PPP4R1: variants seen among roughly 807,000 people sequenced by gnomAD.
The protein encoded by PPP4R1 is protein phosphatase 4 regulatory subunit 1, also known as serine/threonine-protein phosphatase 4 regulatory subunit 1.
In PPP4R1, 42 loss-of-function variants were observed where a neutral mutation model predicts 111.2. That is an observed-to-expected ratio of 0.38 (90% CI 0.29 to 0.49). The LOEUF is 0.49. Ranked by LOEUF, PPP4R1 falls within the 20% of genes least tolerant of loss-of-function variation. The pLI is 0.97. For synonymous variants in PPP4R1, 409 were observed against 405.5 expected (o/e 1.01, Z -0.10); for missense variants, 1,012 against 1,161.6 (o/e 0.87, Z 1.87).
intron 10 of PPP4R1, among the ~76,000 whole-genome samples, chr18:9,575,352 C>T (rs1384855947): frequency 6.6e-6 from 1 of 152,066 alleles, no homozygotes; most frequent in East Asian, 1.9e-4. Flanking sequence ...AAAACAAATG[C>T]CACTGTGCTA....
intron 10 of PPP4R1, 100 bp downstream of exon 10, chr18:9,576,964 C>CA (rs1231420343): frequency 3.4e-6 from 4 of 1,166,546 alleles, no homozygotes; most frequent in Admixed American, 2.6e-5. Flanking sequence ...AGCAAACTAT[C>CA]AAAAAATAAC....
chr18:9,598,574 G>T (rs1055122798), intron 2 of PPP4R1, among the ~76,000 whole-genome samples: 4 of 135,482 alleles, frequency 3.0e-5, no homozygotes, highest in Non-Finnish European at 4.7e-5. Context: ...TTTCAAATAT[G>T]AAGCTGAAAT....
At chr18:9,608,033 C>T (rs946450313) in intron 2 of PPP4R1, among the ~76,000 whole-genome samples, 5 of 144,188 alleles carry the variant, frequency 3.5e-5, no homozygotes, top group Middle Eastern at 3.6e-3. Flanking sequence ...ATCCACCCGC[C>T]TCGTTCTCCC....
chr18:9,610,975 T>TC, intron 2 of PPP4R1, among the ~76,000 whole-genome samples: 1 of 152,120 alleles, frequency 6.6e-6, no homozygotes, highest in South Asian at 2.1e-4. Flanking sequence ...ACCAACCTTT[T>TC]CCCCGACTCT....
chr18:9,602,068 T>C (rs150363178), intron 2 of PPP4R1, among the ~76,000 whole-genome samples: 2,122 of 152,296 alleles, frequency 0.014, 35 homozygotes, highest in Middle Eastern at 0.017. Flanking sequence ...ACTTTTTGTA[T>C]AGACGTGAGA....
Position 9,547,963 on chromosome 18 carries a change from CAT to C in PPP4R1, c.2690-13_2690-12del. ...AGGCCAAGAAATAGTCTGGAAATGACATGTGCATAGGACAGATGAAACCAGTC... is the reference window on the plus strand; with the variant it reads ...AGGCCAAGAAATAGTCTGGAAATGACGTGCATAGGACAGATGAAACCAGTC... On this transcript the variant is annotated splice_polypyrimidine_tract_variant and intron_variant, in intron 19 of 19. Transcript: ENST00000400556. 1 of 1,613,478 alleles carries C rather than the reference CAT, an allele frequency of 6.2e-7. No homozygotes were observed. The highest frequency in any genetic ancestry group is 8.5e-7 in the Non-Finnish European group (1 of 1,179,910).
At chr18:9,570,934 T>C (rs571099320) in intron 10 of PPP4R1, among the ~76,000 whole-genome samples, 22 of 152,300 alleles carry the variant, frequency 1.4e-4, no homozygotes, top group African/African-American at 5.1e-4. Context: ...TTAGAGAAGG[T>C]AACATTTAAG....
chr18:9,555,082 C>A (rs2066549807), intron 15 of PPP4R1, among the ~76,000 whole-genome samples: 1 of 152,102 alleles, frequency 6.6e-6, no homozygotes, highest in Non-Finnish European at 1.5e-5. Flanking sequence ...CGGGGCAGAT[C>A]ACTTGAGCCC....
At chr18:9,598,105 A>G (rs2067319381) in intron 2 of PPP4R1, among the ~76,000 whole-genome samples, 1 of 152,152 alleles carries the variant, frequency 6.6e-6, no homozygotes, top group Admixed American at 6.5e-5. Context: ...TACCTTGAAG[A>G]AAAAGGGTAA....
rs1380629391 is a variant in PPP4R1, at chr18:9,595,047, C to T, written c.159G>A (p.Lys53=). The T allele has an allele frequency of 6.2e-7, 1 of 1,614,002 alleles. No homozygotes were observed. Among genetic ancestry groups the T allele is most frequent in the Non-Finnish European group, 8.5e-7 (1 of 1,179,948 alleles). Reference sequence around the variant, plus strand: ...TAAATATGTTCTCACTTGCAGCATACTTGTCCAATCTCCCCAGGGGCGTCA... The same window carrying T: ...TAAATATGTTCTCACTTGCAGCATATTTGTCCAATCTCCCCAGGGGCGTCA... ...EMLTPLGRLD[K]YAASENIFNR... Residue 53 remains lysine, a synonymous_variant, in exon 3 of 20, where the codon AAG becomes AAA. Coordinates refer to ENST00000400556, the MANE Select transcript of PPP4R1 (RefSeq NM_001042388.3).
chr18:9,596,785 A>G (rs778116532), intron 2 of PPP4R1, among the ~76,000 whole-genome samples: 2 of 152,216 alleles, frequency 1.3e-5, no homozygotes, highest in Non-Finnish European at 2.9e-5. Context: ...TACAGAACTG[A>G]CTACTTTAAA....
chr18:9,587,394 CTTTTT>C (rs1248373958), intron 6 of PPP4R1: 1 of 129,660 alleles, frequency 7.7e-6, no homozygotes, highest in African/African-American at 3.0e-5. Context: ...TTCTTTCTTT[CTTTTT>C]TTTTTTTTGT....
At chr18:9,587,334 C>T (rs1048518875) in intron 6 of PPP4R1, 2 of 151,130 alleles carry the variant, frequency 1.3e-5, no homozygotes, top group Admixed American at 6.6e-5. Context: ...GATTGTATTT[C>T]AAATTTAATG....
chr18:9,550,520 G>T, intron 16 of PPP4R1, 122 bp from the exon 17 acceptor site: 1 of 1,160,894 alleles, frequency 8.6e-7, no homozygotes, highest in Non-Finnish European at 1.2e-6. Flanking sequence ...CATACGCAAA[G>T]AGGAGTGATT....
At chr18:9,567,579 T>C (rs1598908750) in intron 11 of PPP4R1, among the ~76,000 whole-genome samples, 1 of 152,168 alleles carries the variant, frequency 6.6e-6, no homozygotes, top group South Asian at 2.1e-4. Flanking sequence ...TTTCTCAAGA[T>C]GGAATCTCCT....
At chr18:9,559,312 C>G in intron 14 of PPP4R1, 107 bp downstream of exon 14, 2 of 1,118,384 alleles carry the variant, frequency 1.8e-6, no homozygotes, top group Non-Finnish European at 2.4e-6. Context: ...TTTCCTATAA[C>G]ACTAAGAACA....
chr18:9,579,670 G>A (rs1404024859), intron 9 of PPP4R1, among the ~76,000 whole-genome samples: 2 of 152,116 alleles, frequency 1.3e-5, no homozygotes, highest in African/African-American at 4.8e-5. Context: ...ACCCATGATG[G>A]TTGTGTCTGT....
chr18:9,605,163 T>C (rs1353705264), intron 2 of PPP4R1, among the ~76,000 whole-genome samples: 1 of 152,158 alleles, frequency 6.6e-6, no homozygotes, highest in African/African-American at 2.4e-5. Flanking sequence ...TTTCCCATCT[T>C]TACATTTTAG....
At chr18:9,551,652 G>A (rs2066490268) in intron 16 of PPP4R1, 1 of 152,234 alleles carries the variant, frequency 6.6e-6, no homozygotes, top group African/African-American at 2.4e-5. Context: ...GGCTTAACCT[G>A]CTGGTGGAGG....
Sources: allele counts gnomAD v4.1 joint callset (sites outside exome capture counted in the v4.1 genomes callset), GRCh38; gene constraint gnomAD v4.1.1; transcripts MANE v1.5; gene names NCBI Gene and HGNC (gene_info 2026-07-23, HGNC 2026-07-21).